The following LIMS1 variants were observed in gnomAD, a reference collection of about 807,000 sequenced individuals.
LIMS1 encodes the protein LIM zinc finger domain containing 1.
In LIMS1, 18 loss-of-function variants were observed where a neutral mutation model predicts 44.1. The observed-to-expected ratio is 0.41, with a 90% confidence interval of 0.28 to 0.61. The LOEUF is 0.61. LIMS1 is among the 20% of genes least tolerant of loss of function. The probability of loss-of-function intolerance (pLI) is 0.32; values close to 1 mark genes in which losing one functional copy is unlikely to be tolerated. For missense variants in LIMS1, 201 were observed against 422.0 expected (o/e 0.48, Z 4.59); for synonymous variants, 93 against 149.1 (o/e 0.62, Z 2.74).
intron 1 of LIMS1, among the ~76,000 whole-genome samples, chr2:108,573,999 C>T (rs999264170): frequency 1.3e-5 from 2 of 152,114 alleles, no homozygotes; most frequent in African/African-American, 4.8e-5. Context: ...TCTTTACTCA[C>T]TCTCCATGTT....
chr2:108,610,034 T>G (rs987464768), intron 1 of LIMS1, among the ~76,000 whole-genome samples: 9 of 151,842 alleles, frequency 5.9e-5, no homozygotes, highest in Non-Finnish European at 1.0e-4. Context: ...TCCCAGCTAC[T>G]TGGGAGGCTG....
rs1687767089 is a variant in LIMS1 at position 108,613,447 on chromosome 2, G to A, written c.33-46158G>A. On this transcript the variant is annotated intron_variant, in intron 1 of 9. Coordinates refer to ENST00000544547, the Ensembl canonical transcript of LIMS1. ...GGGGAGAAACGTTAGCAGTGTGGGTGCTTCCTGCCTCCCTCCCTGGCCCTC... is the reference window on the plus strand; with the variant it reads ...GGGGAGAAACGTTAGCAGTGTGGGTACTTCCTGCCTCCCTCCCTGGCCCTC... Among the ~76,000 whole-genome samples the A allele has an allele frequency of 2.6e-5, 4 of 152,116 alleles. No individual in the cohort carries two copies. In the South Asian group the frequency reaches 8.3e-4, roughly 32 times the overall value.
rs151005146 is a variant in LIMS1 at position 108,672,024 on chromosome 2, G to A, written c.260-301G>A. 5.1e-3 allele frequency among the ~76,000 whole-genome samples: 778 copies of A among 152,112 alleles called. 6 individuals are homozygous for A. The highest frequency in any genetic ancestry group is 0.018 in the African/African-American group (733 of 41,492). On this transcript the variant is annotated intron_variant, in intron 3 of 9. Coordinates refer to ENST00000544547, the Ensembl canonical transcript of LIMS1. ...TCTCTACTGAAAATACAAAATAGCC[G>A]GGCGTGGTGGCAGGAGCCTGTAATC...
chr2:108,535,157 C>CT (rs1174484913), intron 1 of LIMS1, among the ~76,000 whole-genome samples: 1 of 152,230 alleles, frequency 6.6e-6, no homozygotes, highest in Non-Finnish European at 1.5e-5. Context: ...AGTTGTCTGA[C>CT]TTAGTAGAGA....
chr2:108,607,519 A>G (rs990712366), intron 1 of LIMS1, among the ~76,000 whole-genome samples: 2 of 152,164 alleles, frequency 1.3e-5, no homozygotes, highest in African/African-American at 4.8e-5. Flanking sequence ...TAAAAGTACT[A>G]AGTTTTACAA....
At chr2:108,641,353 A>C (rs949188471) in intron 1 of LIMS1, among the ~76,000 whole-genome samples, 2 of 152,218 alleles carry the variant, frequency 1.3e-5, no homozygotes, top group Non-Finnish European at 2.9e-5. Flanking sequence ...ATTAAGTTTC[A>C]TTTCAGAGGG....
chr2:108,592,161 A>T (rs1019024838), intron 1 of LIMS1, among the ~76,000 whole-genome samples: 3 of 152,188 alleles, frequency 2.0e-5, no homozygotes, highest in African/African-American at 7.2e-5. Context: ...AAAGTTAGCC[A>T]TATGTTGATT....
At chr2:108,681,946 T>C (rs1693030083) in intron 9 of LIMS1, among the ~76,000 whole-genome samples, 1 of 152,094 alleles carries the variant, frequency 6.6e-6, no homozygotes, top group African/African-American at 2.4e-5. Flanking sequence ...TCCATCTGAT[T>C]TACGTAAGAC....
At chr2:108,572,582 C>G (rs1685518391) in intron 1 of LIMS1, among the ~76,000 whole-genome samples, 1 of 152,034 alleles carries the variant, frequency 6.6e-6, no homozygotes. Context: ...GACAGGGTTT[C>G]ACTATGTTGG....
At position 108,680,835 on chromosome 2, in the gene LIMS1, A is replaced by C. The variant is rs190350311; in HGVS notation, c.899+65A>C. The C allele has an allele frequency of 1.8e-5, 29 of 1,586,898 alleles. No homozygotes were observed. The Admixed American group carries it at 3.4e-4, about 19-fold the overall frequency. ...AAAACTTTGGGGAGACACTTAAAAA[A>C]AATCCTAGAATTTAGAAAAAGAGAA... On this transcript the variant is annotated intron_variant, in intron 9 of 9. Transcript: ENST00000544547.
At chr2:108,679,289 G>A (rs1164610425) in intron 8 of LIMS1, among the ~76,000 whole-genome samples, 1 of 151,596 alleles carries the variant, frequency 6.6e-6, no homozygotes, top group East Asian at 1.9e-4. Flanking sequence ...GAGCAGTCTG[G>A]CCAACATGGT....
chr2:108,671,013 A>G, intron 3 of LIMS1, 166 bp downstream of exon 3: 1 of 954,216 alleles, frequency 1.0e-6, no homozygotes, highest in Non-Finnish European at 1.6e-6. Context: ...TCTACTAAAA[A>G]TACAAAAATT....
In LIMS1 at chr2:108,636,749, C is replaced by T. The variant is rs201901817; in HGVS notation, c.33-22856C>T. Among the ~76,000 whole-genome samples the T allele has an allele frequency of 5.3e-5, 8 of 152,266 alleles. No homozygotes were observed. The East Asian group carries it at 1.2e-3, about 22-fold the overall frequency. Reference sequence around the variant, plus strand: ...ATGGAATAAAGAGCTTCCTACTTAGCCCTGTGAACTGCTTTCAAAAACCAT... The same window carrying T: ...ATGGAATAAAGAGCTTCCTACTTAGTCCTGTGAACTGCTTTCAAAAACCAT... On this transcript the variant is annotated intron_variant, in intron 1 of 9. Transcript: ENST00000544547.
intron 1 of LIMS1, among the ~76,000 whole-genome samples, chr2:108,556,958 A>G (rs1684942981): frequency 6.6e-6 from 1 of 152,252 alleles, no homozygotes; most frequent in Non-Finnish European, 1.5e-5. Flanking sequence ...CACTAGAAGC[A>G]GGGATCCCCC....
At chr2:108,684,221 A>G in exon 10 of LIMS1, 1 of 248,406 alleles carries the variant, frequency 4.0e-6, no homozygotes, top group Admixed American at 5.5e-5. Context: ...CCATTTGTTG[A>G]CATGTAGACT....
intron 1 of LIMS1, among the ~76,000 whole-genome samples, chr2:108,581,937 CAAAA>C (rs1412535889): frequency 1.9e-5 from 2 of 103,452 alleles, no homozygotes; most frequent in South Asian, 6.0e-4. Context: ...AACTCCATCT[CAAAA>C]AAAAAAAAAA....
At chr2:108,667,414 C>T (rs1412351434) in intron 2 of LIMS1, among the ~76,000 whole-genome samples, 2 of 151,966 alleles carry the variant, frequency 1.3e-5, no homozygotes, top group African/African-American at 4.8e-5. Flanking sequence ...ATTTTGAACG[C>T]AGGCAGTCTG....
intron 2 of LIMS1, among the ~76,000 whole-genome samples, chr2:108,666,664 A>C (rs1691779666): frequency 7.9e-6 from 1 of 126,710 alleles, no homozygotes; most frequent in Admixed American, 8.5e-5. Flanking sequence ...ATGATGGCAC[A>C]CACAGTCCCA....
At chr2:108,589,795 G>C (rs1344127055) in intron 1 of LIMS1, among the ~76,000 whole-genome samples, 1 of 151,600 alleles carries the variant, frequency 6.6e-6, no homozygotes, top group African/African-American at 2.4e-5. Flanking sequence ...CTCGATAGTT[G>C]TTTAGGAGCA....
Sources: allele counts gnomAD v4.1 joint callset (sites outside exome capture counted in the v4.1 genomes callset), GRCh38; gene constraint gnomAD v4.1.1; transcripts MANE v1.5; gene names NCBI Gene and HGNC (gene_info 2026-07-23, HGNC 2026-07-21).